ZNF560: variants seen among roughly 807,000 people sequenced by gnomAD.
ZNF560 encodes the protein zinc finger protein 560.
In ZNF560, 54 loss-of-function variants were observed where a neutral mutation model predicts 81.8. That is an observed-to-expected ratio of 0.66 (90% CI 0.53 to 0.83). The LOEUF (loss-of-function observed/expected upper bound fraction) is 0.83, where lower values mean the gene tolerates loss of function less well. Among genes scored for constraint, ZNF560 ranks in the 40% least tolerant of loss-of-function variants. The probability of loss-of-function intolerance (pLI) is 0.00; values close to 1 mark genes in which losing one functional copy is unlikely to be tolerated. For synonymous variants in ZNF560, 321 were observed against 317.9 expected, an observed-to-expected ratio of 1.01 and a Z score of -0.10; for missense variants, 940 against 932.4, an observed-to-expected ratio of 1.01 and a Z score of -0.11.
At chr19:9,474,049 C>T in intron 4 of ZNF560, 150 bp downstream of exon 4, 1 of 867,834 alleles carries the variant, frequency 1.2e-6, no homozygotes, top group East Asian at 2.5e-5. Flanking sequence ...CTGGACCACA[C>T]TTTGAAAACG....
chr19:9,458,439 G>A, the ZNF560 span, among the ~76,000 whole-genome samples: 8 of 152,222 alleles, frequency 5.3e-5, no homozygotes, highest in Non-Finnish European at 7.3e-5. Context: ...CTCAAAAAGC[G>A]GAGCTTGAGG....
intron 9 of ZNF560, among the ~76,000 whole-genome samples, chr19:9,468,894 T>C (rs1328242074): frequency 1.3e-5 from 2 of 152,118 alleles, no homozygotes; most frequent in Admixed American, 6.5e-5. Context: ...TATGCCCAGC[T>C]AATTTTTGTA....
At chr19:9,495,391 A>G (rs1331251382) in intron 2 of ZNF560, among the ~76,000 whole-genome samples, 3 of 152,204 alleles carry the variant, frequency 2.0e-5, no homozygotes, top group African/African-American at 7.2e-5. Context: ...TGTCTCACAC[A>G]TAAAATATAA....
At chr19:9,486,854 T>A (rs1032408112) in intron 2 of ZNF560, among the ~76,000 whole-genome samples, 1 of 152,250 alleles carries the variant, frequency 6.6e-6, no homozygotes, top group African/African-American at 2.4e-5. Context: ...CTATCCTATG[T>A]AGCTGTTAGA....
chr19:9,482,727 G>C (rs76204102), intron 2 of ZNF560, among the ~76,000 whole-genome samples: 26 of 142,378 alleles, frequency 1.8e-4, no homozygotes, highest in Admixed American at 2.1e-4. Context: ...AAGCTGGACT[G>C]TACTGCCACC....
the ZNF560 span, among the ~76,000 whole-genome samples, chr19:9,452,702 A>G: frequency 6.6e-6 from 1 of 152,248 alleles, no homozygotes; most frequent in Non-Finnish European, 1.5e-5. Context: ...GCGAGTAATC[A>G]TGGATACAAC....
chr19:9,493,178 T>G (rs892642205), intron 2 of ZNF560, among the ~76,000 whole-genome samples: 5 of 151,980 alleles, frequency 3.3e-5, no homozygotes, highest in African/African-American at 1.2e-4. Flanking sequence ...GGCAGGAAAA[T>G]GGAGGACCAA....
intron 7 of ZNF560, 199 bp from the exon 8 acceptor site, chr19:9,469,909 G>GC: frequency 1.9e-6 from 1 of 540,438 alleles, no homozygotes; most frequent in Non-Finnish European, 3.3e-6. Context: ...TTTCCTGTTT[G>GC]CCCCAAGAAA....
intron 2 of ZNF560, among the ~76,000 whole-genome samples, chr19:9,483,136 G>A (rs1047686394): frequency 2.0e-5 from 3 of 151,796 alleles, no homozygotes; most frequent in Non-Finnish European, 4.4e-5. Context: ...CGTCTGGGAT[G>A]TGAGGAGCCC....
upstream of ZNF560, among the ~76,000 whole-genome samples, chr19:9,502,131 G>A (rs192321339): frequency 6.6e-6 from 1 of 151,792 alleles, no homozygotes; most frequent in Non-Finnish European, 1.5e-5. Context: ...TCCAGCCTGG[G>A]TGACAGAGCA....
intron 2 of ZNF560, among the ~76,000 whole-genome samples, chr19:9,487,329 GCCAATCAGCA>G (rs2073401901): frequency 6.6e-6 from 1 of 152,144 alleles, no homozygotes; most frequent in South Asian, 2.1e-4. Context: ...TACTTATATG[GCCAATCAGCA>G]AGCCACAAAA....
In ZNF560 at chr19:9,498,586, A is replaced by C. The variant is rs2073600186; in HGVS notation, c.-193T>G. The C allele has an allele frequency of 6.6e-6, 1 of 152,322 alleles. No homozygotes were observed. The highest frequency in any genetic ancestry group is 6.5e-5 in the Admixed American group (1 of 15,276). 9.4% of individuals were successfully genotyped at this position (152,322 alleles called of 1,614,324 possible). A position where few individuals can be genotyped will look rare whatever the true frequency, so the allele number is the denominator to read the frequency against. ...CACAAAGGAAAAAGTGGCTCTGAGG[A>C]AACAGGCGCCAGCGACCAAAAGAGA... On this transcript the variant is annotated 5_prime_UTR_variant, in exon 1 of 10. Transcript: ENST00000301480.
At chr19:9,483,655 G>A (rs1420368522) in intron 2 of ZNF560, among the ~76,000 whole-genome samples, 16 of 146,770 alleles carry the variant, frequency 1.1e-4, no homozygotes, top group African/African-American at 2.0e-4. Context: ...CCGGCCAGCC[G>A]CCCCGTCAGG....
the ZNF560 span, among the ~76,000 whole-genome samples, chr19:9,505,066 A>G: frequency 3.9e-5 from 6 of 152,220 alleles, no homozygotes; most frequent in East Asian, 1.9e-4. Context: ...GCCAGGCGAC[A>G]TAGTGAGCCT....
chr19:9,472,840 G>GAA (rs1315709945), intron 5 of ZNF560, among the ~76,000 whole-genome samples: 11 of 152,134 alleles, frequency 7.2e-5, no homozygotes, highest in African/African-American at 2.7e-4. Context: ...TGTCTTCCAT[G>GAA]AAACTGGTCC....
rs192342340 is a variant in ZNF560, at chr19:9,466,982, G to A, written c.1965C>T (p.Pro655=). The A allele has an allele frequency of 3.7e-6, 6 of 1,614,028 alleles. No homozygotes were observed. In the Admixed American group the frequency reaches 8.3e-5, roughly 22 times the overall value. Residue 655 remains proline (P), a synonymous_variant, in exon 10 of 10, where the codon CCC becomes CCT. Transcript: ENST00000301480. ...CTTTTTCACATGCATTACATTTATAGGGTTTATATCCAGTGTGAGTTCTTA... is the reference window on the plus strand; with the variant it reads ...CTTTTTCACATGCATTACATTTATAAGGTTTATATCCAGTGTGAGTTCTTA... The part of the protein sequence containing the change: ...DHLRTHTGYK[P]YKCNACEKAY...
chr19:9,452,423 T>C, the ZNF560 span, among the ~76,000 whole-genome samples: 6 of 152,108 alleles, frequency 3.9e-5, no homozygotes, highest in Admixed American at 2.0e-4. Flanking sequence ...AGAAAATAGA[T>C]TTTTCTATCA....
chr19:9,466,698 C>T lies in ZNF560; in HGVS notation c.2249G>A (p.Arg750His), dbSNP rs369977723. 2.9e-5 allele frequency: 47 copies of T among 1,613,998 alleles called. No individual in the cohort carries two copies. The highest frequency in any genetic ancestry group is 7.7e-5 in the South Asian group (7 of 91,074). ...ATGTTGAATACGTCCTGAGGATGTA[C>T]GGAAGGCCTTCCCACATTCCTTACA... The part of the protein sequence containing the change: ...YKCKECGKAF[R>H]TSSGRIQHLR... Residue 750 changes from arginine to histidine, a missense_variant, in exon 10 of 10, where the codon CGT becomes CAT. Arg to His is a conservative substitution (Grantham distance 29). Coordinates refer to ENST00000301480, the MANE Select transcript of ZNF560 (RefSeq NM_152476.3).
chr19:9,478,807 A>G (rs1223475700), intron 2 of ZNF560, among the ~76,000 whole-genome samples: 1 of 152,118 alleles, frequency 6.6e-6, no homozygotes, highest in African/African-American at 2.4e-5. Flanking sequence ...AAAGTACACT[A>G]GAGAAAATTA....
Sources: allele counts gnomAD v4.1 joint callset (sites outside exome capture counted in the v4.1 genomes callset), GRCh38; gene constraint gnomAD v4.1.1; transcripts MANE v1.5; gene names NCBI Gene and HGNC (gene_info 2026-07-23, HGNC 2026-07-21).